Variants in TLN2 observed in about 807,000 individuals in gnomAD.
TLN2 encodes the protein talin-2.
In TLN2, 118 loss-of-function variants were observed where a neutral mutation model predicts 294.7. That is an observed-to-expected ratio of 0.40 (90% CI 0.34 to 0.47). The LOEUF (loss-of-function observed/expected upper bound fraction) is 0.47, where lower values mean the gene tolerates loss of function less well. Ranked by LOEUF, TLN2 falls within the 20% of genes least tolerant of loss-of-function variation. TLN2 has a pLI of 0.84. For missense variants in TLN2, 3,083 were observed against 3,282.2 expected, an observed-to-expected ratio of 0.94 and a Z score of 1.48; for synonymous variants, 1,431 against 1,304.5, an observed-to-expected ratio of 1.10 and a Z score of -2.09.
At chr15:62,640,277 G>A (rs1426616020) in intron 3 of TLN2, 1 of 455,924 alleles carries the variant, frequency 2.2e-6, no homozygotes, top group African/African-American at 2.0e-5. Flanking sequence ...AGATTGAGAT[G>A]TAGACACAGA....
At chr15:62,741,748 C>T (rs200824352) in intron 32 of TLN2, among the ~76,000 whole-genome samples, 13 of 131,162 alleles carry the variant, frequency 9.9e-5, no homozygotes, top group African/African-American at 3.8e-4. Context: ...AAAATTTGCG[C>T]GTGTGTGTGT....
intron 37 of TLN2, among the ~76,000 whole-genome samples, chr15:62,757,370 C>T (rs559011177): frequency 1.1e-4 from 16 of 152,248 alleles, no homozygotes; most frequent in East Asian, 5.8e-4. Flanking sequence ...GTGGAAAGAG[C>T]GATAGAGTTG....
intron 1 of TLN2, among the ~76,000 whole-genome samples, chr15:62,561,661 C>T (rs2042969212): frequency 6.6e-6 from 1 of 152,150 alleles, no homozygotes; most frequent in African/African-American, 2.4e-5. Flanking sequence ...GTCTGTCTCT[C>T]TCTCTTTTTT....
chr15:62,699,558 G>A (rs2058582605), intron 16 of TLN2, among the ~76,000 whole-genome samples: 1 of 152,166 alleles, frequency 6.6e-6, no homozygotes, highest in Non-Finnish European at 1.5e-5. Flanking sequence ...TGTAGCTGCT[G>A]CTGCATGAAA....
At chr15:62,760,730 A>G (rs2062608549) in intron 37 of TLN2, among the ~76,000 whole-genome samples, 1 of 152,162 alleles carries the variant, frequency 6.6e-6, no homozygotes, top group African/African-American at 2.4e-5. Flanking sequence ...ATCCTTATCC[A>G]TCCAGACCGT....
At chr15:62,689,657 T>G (rs1484567538) in intron 12 of TLN2, among the ~76,000 whole-genome samples, 2 of 151,822 alleles carry the variant, frequency 1.3e-5, no homozygotes, top group South Asian at 4.2e-4. Context: ...GGTACAGCAT[T>G]TGGGATTGAC....
chr15:62,517,060 G>A (rs976316548), intron 1 of TLN2, among the ~76,000 whole-genome samples: 6 of 152,184 alleles, frequency 3.9e-5, no homozygotes, highest in African/African-American at 1.4e-4. Flanking sequence ...GAAGATCAGT[G>A]GATACGGATG....
At chr15:62,550,839 A>G (rs1290969344) in intron 1 of TLN2, among the ~76,000 whole-genome samples, 1 of 152,094 alleles carries the variant, frequency 6.6e-6, no homozygotes, top group East Asian at 1.9e-4. Context: ...GTGGAAGACA[A>G]TTTTTTCCTG....
At chr15:62,786,855 G>T (rs2064704267) in intron 45 of TLN2, among the ~76,000 whole-genome samples, 1 of 152,042 alleles carries the variant, frequency 6.6e-6, no homozygotes, top group Non-Finnish European at 1.5e-5. Flanking sequence ...TACTTTTAGT[G>T]GCAAAAACCG....
chr15:62,619,749 T>A lies in TLN2; in HGVS notation c.-37+1274T>A, dbSNP rs147288265. 3.9e-3 allele frequency among the ~76,000 whole-genome samples: 598 copies of A among 152,222 alleles called. 4 individuals are homozygous for A. The highest frequency in any genetic ancestry group is 0.014 in the African/African-American group (574 of 41,540). On this transcript the variant is annotated intron_variant, in intron 3 of 58. Transcript: ENST00000636159. ...CCAGAAGCTGAAAGGAGAAAGGAAG[T>A]ATTCTTCTAGAGCCTTGGAGGGTAG...
intron 46 of TLN2, among the ~76,000 whole-genome samples, chr15:62,794,059 AT>A (rs1194189235): frequency 2.5e-4 from 38 of 152,054 alleles, no homozygotes; most frequent in Admixed American, 2.5e-3. Flanking sequence ...TATTGAAGTT[AT>A]TCTTGCCAAG....
intron 3 of TLN2, 45 bp from the exon 4 acceptor site, chr15:62,647,230 A>G: frequency 2.0e-6 from 3 of 1,503,216 alleles, no homozygotes; most frequent in East Asian, 2.4e-5. Flanking sequence ...CCCCAAGACA[A>G]ATTATTATCG....
At chr15:62,779,040 T>C (rs1165569131) in intron 43 of TLN2, among the ~76,000 whole-genome samples, 1 of 152,252 alleles carries the variant, frequency 6.6e-6, no homozygotes, top group African/African-American at 2.4e-5. Flanking sequence ...ACTATTAGAC[T>C]CACTGTCTGA....
rs115375375 is a variant in TLN2 at position 62,723,045 on chromosome 15, C to T, written c.3126+558C>T. 5.7e-3 allele frequency among the ~76,000 whole-genome samples: 863 copies of T among 152,274 alleles called. 6 individuals carry two copies. Among genetic ancestry groups the T allele is most frequent in the African/African-American group, 0.019 (809 of 41,538 alleles). On this transcript the variant is annotated intron_variant, in intron 26 of 58. Transcript: ENST00000636159. ...TTCTGTCTCTGGAGCATATTAATTA[C>T]CAAAGGGCCTCATTTACTACTCTGT... is the stretch of plus-strand genomic sequence containing the variant.
intron 1 of TLN2, among the ~76,000 whole-genome samples, chr15:62,575,410 C>CA (rs749321705): frequency 1.3e-5 from 2 of 152,068 alleles, no homozygotes; most frequent in Non-Finnish European, 2.9e-5. Context: ...AAAATACAGG[C>CA]ACGTTTTAAA....
At chr15:62,795,693 A>G (rs1347685400) in intron 46 of TLN2, among the ~76,000 whole-genome samples, 2 of 152,178 alleles carry the variant, frequency 1.3e-5, no homozygotes, top group Non-Finnish European at 2.9e-5. Flanking sequence ...ATAAAAGGGG[A>G]TGTAATCGCC....
Position 62,691,027 on chromosome 15 carries a change from T to TGGGAGA in TLN2, c.1114-1797_1114-1792dup, listed in dbSNP as rs769214805. Among the ~76,000 whole-genome samples, 16 of 79,344 alleles carry TGGGAGA rather than the reference T, an allele frequency of 2.0e-4. 1 individual carries two copies. Among genetic ancestry groups the TGGGAGA allele is most frequent in the Admixed American group, 5.4e-4 (4 of 7,370 alleles). 52.1% of individuals were successfully genotyped at this position (79,344 alleles called of 152,430 possible). On this transcript the variant is annotated intron_variant, in intron 12 of 58. Transcript: ENST00000636159. ...TGGAAAGAGAGGGGGAGGGAGACCGTGGGAGAGGGAGAGGGAGAGGGGGAG... is the reference window on the plus strand; with the variant it reads ...TGGAAAGAGAGGGGGAGGGAGACCGTGGGAGAGGGAGAGGGAGAGGGAGAGGGGGAG...
intron 1 of TLN2, among the ~76,000 whole-genome samples, chr15:62,485,982 C>A (rs1163075069): frequency 6.6e-6 from 1 of 151,386 alleles, no homozygotes; most frequent in African/African-American, 2.4e-5. Context: ...TTTTAAAAGA[C>A]TTTAAAATGA....
At chr15:62,728,075 C>G (rs985009208) in intron 28 of TLN2, among the ~76,000 whole-genome samples, 3 of 152,172 alleles carry the variant, frequency 2.0e-5, no homozygotes, top group African/African-American at 4.8e-5. Flanking sequence ...CTACCAGGAT[C>G]GAGGAATCAA....
Sources: gnomAD v4.1 joint callset for allele counts (sites outside exome capture counted in the v4.1 genomes callset) on GRCh38, gnomAD v4.1.1 for gene constraint, MANE v1.5 for transcripts, NCBI Gene and HGNC (gene_info 2026-07-23, HGNC 2026-07-21) for gene names.